Variants in CHAF1B observed in about 807,000 individuals in gnomAD.
CHAF1B encodes the protein chromatin assembly factor 1 subunit B, also known as CAF-1 subunit B.
CHAF1B carries 10 observed loss-of-function variants against 60.7 expected under a neutral mutation model. The observed-to-expected ratio is 0.16, with a 90% CI of 0.10 to 0.28. The LOEUF (loss-of-function observed/expected upper bound fraction) is 0.28, where lower values mean the gene tolerates loss of function less well. CHAF1B is among the 10% of genes least tolerant of loss of function. The pLI, the probability that CHAF1B is intolerant of heterozygous loss-of-function variation, is 1.00. For synonymous variants in CHAF1B, 261 were observed against 266.1 expected (o/e 0.98, Z 0.19); for missense variants, 558 against 708.4 (o/e 0.79, Z 2.41).
intron 13 of CHAF1B, 146 bp from the exon 14 acceptor site, chr21:36,416,129 C>A: frequency 3.0e-6 from 2 of 671,322 alleles, no homozygotes; most frequent in Non-Finnish European, 2.4e-6. Context: ...TGGTTGAGAG[C>A]CACTCTATAG....
At chr21:36,387,769 G>C (rs759365462) in intron 3 of CHAF1B, 39 bp downstream of exon 3, 1 of 1,598,330 alleles carries the variant, frequency 6.3e-7, no homozygotes, top group Non-Finnish European at 8.6e-7. Flanking sequence ...TCGGGAACCA[G>C]ATAGATACCT....
intron 1 of CHAF1B, 24 bp from the exon 2 acceptor site, chr21:36,386,036 C>T: frequency 7.0e-7 from 1 of 1,435,274 alleles, no homozygotes; most frequent in Non-Finnish European, 9.7e-7. Flanking sequence ...CTGCTGTTAA[C>T]ACTGTTGTTT....
Position 36,386,239 on chromosome 21 carries a change from G to A in CHAF1B, c.103G>A (p.Ala35Thr). The A allele has an allele frequency of 6.2e-7, 1 of 1,614,162 alleles. No individual in the cohort carries two copies. Among genetic ancestry groups the A allele is most frequent in the Non-Finnish European group, 8.5e-7 (1 of 1,180,010 alleles). The change falls in exon 2 of 14, where the codon GCC becomes ACC. Residue 35 changes from alanine (A) to threonine (T), a missense_variant. This residue lies in a region of CHAF1B where 325 missense variants were observed against 493.5 expected (regional missense o/e 0.66). Transcript: ENST00000314103. ...TGGGAGGATCCACAGACTGGCGTCT[G>A]CCGGCGTGGACACCAATGTCAGGGT... Reference protein sequence around the residue: ...TAGRIHRLASAGVDTNVRIWK... With the variant: ...TAGRIHRLASTGVDTNVRIWK...
chr21:36,392,088 G>A (rs145927687), intron 4 of CHAF1B, among the ~76,000 whole-genome samples: 3,044 of 151,618 alleles, frequency 0.02, 110 homozygotes, highest in African/African-American at 0.071. Context: ...CGCAGTGTTT[G>A]TGTCCCTGGG....
At chr21:36,395,862 G>A (rs1601559831) in intron 5 of CHAF1B, among the ~76,000 whole-genome samples, 1 of 152,230 alleles carries the variant, frequency 6.6e-6, no homozygotes, top group East Asian at 1.9e-4. Flanking sequence ...CAAGTACCTG[G>A]GTAGGGCAGT....
chr21:36,391,475 AAAAAAT>A, intron 3 of CHAF1B, 70 bp from the exon 4 acceptor site: 12 of 1,008,144 alleles, frequency 1.2e-5, no homozygotes, highest in South Asian at 1.5e-5. Flanking sequence ...AAAAAAAAAA[AAAAAAT>A]GAAAATAAAA....
chr21:36,411,713 A>G (rs542506026), intron 11 of CHAF1B, 109 bp downstream of exon 11: 9 of 1,250,046 alleles, frequency 7.2e-6, no homozygotes, highest in African/African-American at 1.5e-5. Flanking sequence ...TTTGGGGGAC[A>G]TATTCACCAA....
In CHAF1B at chr21:36,387,699, A is replaced by G. The variant is rs376476845; in HGVS notation, c.228A>G (p.Pro76=). The part of the protein sequence containing the change: ...TKAVNVVRFS[P]TGEILASGGD... ...CCGTCAATGTTGTGCGTTTTTCTCC[A>G]ACTGGGGAAATTTTAGCATCGGGAG... is the stretch of plus-strand genomic sequence containing the variant. Residue 76 remains proline (P), a synonymous_variant, in exon 3 of 14, where the codon CCA becomes CCG. Transcript: ENST00000314103. The G allele has an allele frequency of 1.6e-5, 26 of 1,614,126 alleles. No individual in the cohort carries two copies. The highest frequency in any genetic ancestry group is 2.2e-5 in the Non-Finnish European group (26 of 1,180,012).
chr21:36,387,232 T>TTG (rs2086042643), intron 2 of CHAF1B, among the ~76,000 whole-genome samples: 1 of 151,070 alleles, frequency 6.6e-6, no homozygotes, highest in Non-Finnish European at 1.5e-5. Flanking sequence ...TTGTTTTTTT[T>TTG]TTTTTTTTGA....
Position 36,411,590 on chromosome 21 carries a change from C to T in CHAF1B, c.1047C>T (p.Leu349=). 1.9e-6 allele frequency: 3 copies of T among 1,614,058 alleles called. No homozygotes were observed. Among genetic ancestry groups the T allele is most frequent in the Non-Finnish European group, 2.5e-6 (3 of 1,180,002 alleles). The change falls in exon 11 of 14, where the codon CTC becomes CTT. Residue 349 remains leucine, a synonymous_variant. Coordinates refer to ENST00000314103, the MANE Select transcript of CHAF1B (RefSeq NM_005441.3). The stretch of plus-strand genomic sequence containing the variant: ...TGTCTAATATACATTACCACACCCT[C>T]AGTGACATTTCATGGTGAGTGGCTG... ...GYVSNIHYHT[L]SDISWSSDGA...
chr21:36,413,226 C>T lies in CHAF1B; in HGVS notation c.1404C>T (p.Thr468=). ...SPLPGPSEEK[T]LQPSSQNTKA... ...TGCCGGGGCCTTCGGAGGAGAAGACCCTGCAGCCCAGTAGTCAAAACACAA... is the reference window on the plus strand; with the variant it reads ...TGCCGGGGCCTTCGGAGGAGAAGACTCTGCAGCCCAGTAGTCAAAACACAA... The change falls in exon 12 of 14, where the codon ACC becomes ACT. Residue 468 remains threonine, a synonymous_variant. Transcript: ENST00000314103. 1.9e-6 allele frequency: 3 copies of T among 1,614,096 alleles called. No individual in the cohort carries two copies. The highest frequency in any genetic ancestry group is 2.5e-6 in the Non-Finnish European group (3 of 1,180,008).
chr21:36,386,295 A>T (rs755812719), intron 2 of CHAF1B, 33 bp downstream of exon 2: 1 of 1,609,048 alleles, frequency 6.2e-7, no homozygotes, highest in South Asian at 1.1e-5. Context: ...ATCCGGGAAC[A>T]CTGCTTGAAG....
At chr21:36,394,973 T>C (rs377525212) in intron 5 of CHAF1B, among the ~76,000 whole-genome samples, 4,674 of 151,958 alleles carry the variant, frequency 0.031, 101 homozygotes, top group Admixed American at 0.047. Flanking sequence ...TCAGGTGATC[T>C]GCCCGCCTCA....
chr21:36,409,306 G>T, intron 9 of CHAF1B, 68 bp from the exon 10 acceptor site: 3 of 1,332,024 alleles, frequency 2.3e-6, no homozygotes, highest in Non-Finnish European at 3.2e-6. Context: ...CTGCCAAAAT[G>T]TTTACCTTTT....
intron 2 of CHAF1B, 100 bp from the exon 3 acceptor site, chr21:36,387,498 G>A (rs2086044190): frequency 1.4e-6 from 2 of 1,474,784 alleles, no homozygotes; most frequent in African/African-American, 1.4e-5. Flanking sequence ...TGGGATTACA[G>A]TTGTGAGCCA....
chr21:36,409,291 G>T, intron 9 of CHAF1B, 83 bp from the exon 10 acceptor site: 1 of 1,055,436 alleles, frequency 9.5e-7, no homozygotes, highest in Non-Finnish European at 1.4e-6. Flanking sequence ...GTGAGCCACC[G>T]CGCCCTGCCA....
chr21:36,410,640 C>G (rs2086270499), intron 10 of CHAF1B, among the ~76,000 whole-genome samples: 1 of 150,442 alleles, frequency 6.6e-6, no homozygotes, highest in African/African-American at 2.4e-5. Context: ...ATATTCTGTG[C>G]CTCTCCATGC....
chr21:36,398,774 G>C (rs2086163645), intron 6 of CHAF1B, among the ~76,000 whole-genome samples: 1 of 152,094 alleles, frequency 6.6e-6, no homozygotes, highest in Non-Finnish European at 1.5e-5. Flanking sequence ...TTGTATTGTT[G>C]GAACAAAGAG....
chr21:36,402,647 T>C (rs1308668261), intron 7 of CHAF1B, 111 bp from the exon 8 acceptor site: 3 of 772,206 alleles, frequency 3.9e-6, no homozygotes, highest in African/African-American at 1.7e-5. Context: ...TAGGCACATA[T>C]AGCAGTTGGG....
Sources: allele counts gnomAD v4.1 joint callset (sites outside exome capture counted in the v4.1 genomes callset), GRCh38; gene constraint gnomAD v4.1.1; regional missense constraint gnomAD v4.1.1; transcripts MANE v1.5; gene names NCBI Gene and HGNC (gene_info 2026-07-23, HGNC 2026-07-21).